Variants in DCAF8L2 observed in about 807,000 individuals in gnomAD.
DCAF8L2 encodes the protein DDB1 and CUL4 associated factor 8 like 2.
For missense variants in DCAF8L2, 430 were observed against 490.7 expected, an observed-to-expected ratio of 0.88 and a Z score of 1.17; for synonymous variants, 200 against 190.9, an observed-to-expected ratio of 1.05 and a Z score of -0.39.
chrX:27,727,693 T>A (rs1932115947), intron 4 of DCAF8L2, among the ~76,000 whole-genome samples: 1 of 111,696 alleles, frequency 9.0e-6, no homozygotes, highest in African/African-American at 3.2e-5. Context: ...ATAAACACCG[T>A]GCTAAAATTT....
the DCAF8L2 span, among the ~76,000 whole-genome samples, chrX:27,475,935 C>T: frequency 1.8e-5 from 2 of 111,106 alleles, no homozygotes; most frequent in Non-Finnish European, 1.9e-5. Context: ...GAATGCCTAC[C>T]CTCTGTCCCT....
intron 4 of DCAF8L2, among the ~76,000 whole-genome samples, chrX:27,738,619 G>A (rs1921670499): frequency 8.9e-6 from 1 of 112,013 alleles, no homozygotes; most frequent in Admixed American, 9.5e-5. Flanking sequence ...CACCATTCCT[G>A]TCCTCAAGTA....
chrX:27,650,356 G>T (rs1037947607), intron 2 of DCAF8L2, among the ~76,000 whole-genome samples: 1 of 111,511 alleles, frequency 9.0e-6, no homozygotes, highest in African/African-American at 3.3e-5. Flanking sequence ...AGTTTAATAG[G>T]AACAATGTTG....
chrX:27,700,087 C>A (rs1046809323), intron 3 of DCAF8L2, among the ~76,000 whole-genome samples: 1 of 110,992 alleles, frequency 9.0e-6, no homozygotes, highest in Non-Finnish European at 1.9e-5. Flanking sequence ...TTATTTTATA[C>A]TGATAAAATC....
chrX:27,568,751 A>G, the DCAF8L2 span, among the ~76,000 whole-genome samples: 2 of 107,026 alleles, frequency 1.9e-5, no homozygotes, highest in Non-Finnish European at 3.8e-5. Flanking sequence ...TACATGTGCC[A>G]TGTTGGTGTG....
chrX:27,502,335 A>AAAAAAATAT, the DCAF8L2 span, among the ~76,000 whole-genome samples: 2 of 12,718 alleles, frequency 1.6e-4, no homozygotes, highest in Non-Finnish European at 3.0e-4. Context: ...AAAAAAAAAA[A>AAAAAAATAT]ATATATATAT....
intron 2 of DCAF8L2, among the ~76,000 whole-genome samples, chrX:27,642,782 A>G (rs1312065883): frequency 8.9e-6 from 1 of 112,019 alleles, no homozygotes. Context: ...TTATTTTCCA[A>G]ATATAATTGA....
chrX:27,656,302 C>T (rs1569173524), intron 2 of DCAF8L2, among the ~76,000 whole-genome samples: 2 of 111,833 alleles, frequency 1.8e-5, no homozygotes, highest in African/African-American at 3.2e-5. Flanking sequence ...CGAAAACAAA[C>T]GAGAGTAGAT....
At position 27,623,784 on chromosome X, in the gene DCAF8L2, C is replaced by A. The variant is rs151324286; in HGVS notation, c.-341-8095C>A. Among the ~76,000 whole-genome samples, 907 of 111,521 alleles carry A rather than the reference C, an allele frequency of 8.1e-3. 6 individuals are homozygous for A. Among genetic ancestry groups the A allele is most frequent in the South Asian group, 0.024 (64 of 2,646 alleles). ...GAAAATAGCAATGCAGATTTAAACA[C>A]GTGTGAATGGAAAGAATTAGATTTC... On this transcript the variant is annotated intron_variant, in intron 1 of 4. Transcript: ENST00000451261.
At chrX:27,542,222 T>C in the DCAF8L2 span, among the ~76,000 whole-genome samples, 1 of 111,590 alleles carries the variant, frequency 9.0e-6, no homozygotes, top group Admixed American at 9.5e-5. Context: ...TACCCAGTAA[T>C]AGGATTACTG....
chrX:27,541,335 A>T, the DCAF8L2 span, among the ~76,000 whole-genome samples: 2 of 98,242 alleles, frequency 2.0e-5, no homozygotes, highest in African/African-American at 7.3e-5. Flanking sequence ...AAATTTTTTT[A>T]TTTTTTATTT....
intron 4 of DCAF8L2, among the ~76,000 whole-genome samples, chrX:27,736,965 A>G (rs1921558103): frequency 8.9e-6 from 1 of 111,971 alleles, no homozygotes; most frequent in African/African-American, 3.2e-5. Flanking sequence ...CTTCTATTAA[A>G]CCAGACAATA....
chrX:27,469,031 A>G, the DCAF8L2 span, among the ~76,000 whole-genome samples: 2 of 112,188 alleles, frequency 1.8e-5, no homozygotes, highest in Admixed American at 9.5e-5. Context: ...TCTTGGATCC[A>G]TAAGCAGTTT....
At chrX:27,627,824 T>A (rs1224309460) in intron 1 of DCAF8L2, among the ~76,000 whole-genome samples, 1 of 108,870 alleles carries the variant, frequency 9.2e-6, no homozygotes, top group East Asian at 2.9e-4. Flanking sequence ...AACCAGGGAA[T>A]TGGAGGTTTC....
intron 2 of DCAF8L2, among the ~76,000 whole-genome samples, chrX:27,640,085 C>T (rs1262766282): frequency 9.0e-6 from 1 of 111,404 alleles, no homozygotes; most frequent in South Asian, 3.8e-4. Context: ...ATCCCTCCCC[C>T]CTCCTCCCAC....
chrX:27,516,460 A>T, the DCAF8L2 span, among the ~76,000 whole-genome samples: 19 of 102,709 alleles, frequency 1.8e-4, no homozygotes, highest in East Asian at 6.0e-4. Flanking sequence ...TCTCTCACAC[A>T]CACACACACA....
intron 3 of DCAF8L2, among the ~76,000 whole-genome samples, chrX:27,685,721 CAT>C (rs1348541921): frequency 1.8e-5 from 2 of 111,553 alleles, no homozygotes; most frequent in African/African-American, 6.5e-5. Flanking sequence ...CAAAAGCAAA[CAT>C]AGACAAATCA....
the DCAF8L2 span, among the ~76,000 whole-genome samples, chrX:27,545,870 A>T: frequency 9.0e-6 from 1 of 111,593 alleles, no homozygotes; most frequent in African/African-American, 3.3e-5. Flanking sequence ...TAAAACCATC[A>T]GATTTGGGTG....
At chrX:27,514,001 T>TA in the DCAF8L2 span, among the ~76,000 whole-genome samples, 2 of 112,040 alleles carry the variant, frequency 1.8e-5, no homozygotes, top group African/African-American at 3.2e-5. Flanking sequence ...ATCCCACTAC[T>TA]GGGTATATAT....
Sources: allele counts gnomAD v4.1 joint callset (sites outside exome capture counted in the v4.1 genomes callset), GRCh38; gene constraint gnomAD v4.1.1; transcripts MANE v1.5; gene names NCBI Gene and HGNC (gene_info 2026-07-23, HGNC 2026-07-21).